B4GALT6: variants seen among roughly 807,000 people sequenced by gnomAD.
B4GALT6 encodes the protein UDP-Gal:beta-GlcNAc beta-1,4-galactosyltransferase 6.
B4GALT6 carries 14 observed loss-of-function variants against 46.3 expected under a neutral mutation model. That is an observed-to-expected ratio of 0.30 (90% CI 0.20 to 0.47). The LOEUF (loss-of-function observed/expected upper bound fraction) is 0.47, where lower values mean the gene tolerates loss of function less well. B4GALT6 is among the 20% of genes least tolerant of loss of function. The pLI, the probability that B4GALT6 is intolerant of heterozygous loss-of-function variation, is 0.99. For missense variants in B4GALT6, 386 were observed against 480.1 expected (o/e 0.80, Z 1.83); for synonymous variants, 168 against 162.0 (o/e 1.04, Z -0.28).
intron 2 of B4GALT6, chr18:31,658,314 T>C: frequency 2.7e-6 from 1 of 370,970 alleles, no homozygotes; most frequent in Non-Finnish European, 4.9e-6. Flanking sequence ...ACCCTTATCC[T>C]TGCACACAGA....
At chr18:31,709,830 C>T in the B4GALT6 span, among the ~76,000 whole-genome samples, 7 of 152,052 alleles carry the variant, frequency 4.6e-5, no homozygotes, top group South Asian at 8.3e-4. Flanking sequence ...TGGTGGCTCA[C>T]GCCTGGAATC....
intron 1 of B4GALT6, among the ~76,000 whole-genome samples, chr18:31,674,173 C>A (rs528835264): frequency 6.6e-6 from 1 of 152,190 alleles, no homozygotes; most frequent in East Asian, 1.9e-4. Context: ...TACCACCCCA[C>A]GACAGGTACA....
intron 1 of B4GALT6, among the ~76,000 whole-genome samples, chr18:31,677,768 G>T (rs1465510968): frequency 6.6e-6 from 1 of 152,226 alleles, no homozygotes; most frequent in East Asian, 1.9e-4. Flanking sequence ...GAGAAAAGAG[G>T]AAGGGAAAGA....
At chr18:31,702,603 G>A in the B4GALT6 span, among the ~76,000 whole-genome samples, 3 of 152,148 alleles carry the variant, frequency 2.0e-5, no homozygotes, top group African/African-American at 4.8e-5. Context: ...CTGTTTATAA[G>A]TTCTGGGTGG....
At chr18:31,629,806 C>T (rs1598865380) in intron 6 of B4GALT6, among the ~76,000 whole-genome samples, 1 of 144,570 alleles carries the variant, frequency 6.9e-6, no homozygotes, top group African/African-American at 2.6e-5. Context: ...GCCGAGATCG[C>T]ACCACTGCAC....
rs183304335 is a variant in B4GALT6, at chr18:31,622,572, G to T, written c.*3042C>A. On this transcript the variant is annotated 3_prime_UTR_variant, in exon 9 of 9. Coordinates refer to ENST00000306851, the MANE Select transcript of B4GALT6 (RefSeq NM_004775.5). Reference sequence around the variant, plus strand: ...AAAATGACAAAATCTGCTTTCACTTGTAGGAAGCCTCCAGAAAGAGAATAT... The same window carrying T: ...AAAATGACAAAATCTGCTTTCACTTTTAGGAAGCCTCCAGAAAGAGAATAT... The T allele has an allele frequency of 2.6e-5, 4 of 151,996 alleles. No individual in the cohort carries two copies. The highest frequency in any genetic ancestry group is 4.4e-5 in the Non-Finnish European group (3 of 67,874). 9.4% of individuals were successfully genotyped at this position (151,996 alleles called of 1,614,324 possible).
the B4GALT6 span, among the ~76,000 whole-genome samples, chr18:31,720,832 G>C: frequency 1.3e-5 from 2 of 152,208 alleles, no homozygotes; most frequent in Non-Finnish European, 2.9e-5. Flanking sequence ...AAGCTTATTT[G>C]GGTGTGCACA....
At chr18:31,626,965 A>G (rs2073707389) in intron 7 of B4GALT6, 34 bp downstream of exon 7, 1 of 1,569,550 alleles carries the variant, frequency 6.4e-7, no homozygotes, top group African/African-American at 1.4e-5. Context: ...ATTTATAAAA[A>G]TTCTATTAGT....
intron 6 of B4GALT6, among the ~76,000 whole-genome samples, chr18:31,628,668 G>A (rs936304616): frequency 6.6e-6 from 1 of 152,160 alleles, no homozygotes; most frequent in Non-Finnish European, 1.5e-5. Flanking sequence ...GGCCATCACT[G>A]TGGGGCAGGG....
At chr18:31,698,601 A>G in the B4GALT6 span, among the ~76,000 whole-genome samples, 2 of 152,066 alleles carry the variant, frequency 1.3e-5, no homozygotes, top group Non-Finnish European at 2.9e-5. Context: ...ACTGCACTCC[A>G]GCCTGGGCAA....
the B4GALT6 span, among the ~76,000 whole-genome samples, chr18:31,699,079 CA>C: frequency 0.16 from 13,557 of 82,166 alleles, 688 homozygotes; most frequent in Middle Eastern, 0.29. Flanking sequence ...GACTCTGTCT[CA>C]AAAAAAAAAA....
chr18:31,664,475 G>T (rs1012615723), intron 2 of B4GALT6, among the ~76,000 whole-genome samples: 2 of 151,670 alleles, frequency 1.3e-5, no homozygotes, highest in Admixed American at 6.6e-5. Context: ...AGTATGCATT[G>T]GTTCTTTGGT....
At chr18:31,653,868 G>A (rs1029742315) in intron 3 of B4GALT6, among the ~76,000 whole-genome samples, 1 of 151,952 alleles carries the variant, frequency 6.6e-6, no homozygotes, top group Admixed American at 6.5e-5. Context: ...AGGGACCGCT[G>A]CACAGCGGCT....
intron 1 of B4GALT6, 44 bp from the exon 2 acceptor site, chr18:31,666,416 T>C (rs2074283349): frequency 2.3e-6 from 2 of 875,098 alleles, no homozygotes; most frequent in East Asian, 2.7e-5. Flanking sequence ...CACAGTAAGC[T>C]TTTTTTTATT....
At chr18:31,674,474 C>A (rs1456093886) in intron 1 of B4GALT6, among the ~76,000 whole-genome samples, 1 of 152,176 alleles carries the variant, frequency 6.6e-6, no homozygotes, top group African/African-American at 2.4e-5. Flanking sequence ...AATGATTTCC[C>A]ATATTATCTA....
At chr18:31,626,253 C>A in intron 8 of B4GALT6, 30 bp downstream of exon 8, 1 of 1,294,956 alleles carries the variant, frequency 7.7e-7, no homozygotes, top group Admixed American at 2.0e-5. Flanking sequence ...CTTTGGAAAC[C>A]TTGGTATCTG....
chr18:31,705,293 C>A, the B4GALT6 span, among the ~76,000 whole-genome samples: 3 of 152,266 alleles, frequency 2.0e-5, no homozygotes, highest in Admixed American at 6.5e-5. Context: ...AAGGAGAGTA[C>A]CACATGTGCT....
At chr18:31,626,094 C>G (rs371815553) in intron 8 of B4GALT6, among the ~76,000 whole-genome samples, 189 bp downstream of exon 8, 1 of 152,226 alleles carries the variant, frequency 6.6e-6, no homozygotes, top group East Asian at 1.9e-4. Flanking sequence ...TGTATATATA[C>G]GTATATCTCT....
upstream of B4GALT6, chr18:31,684,648 C>A (rs549161581): frequency 5.4e-6 from 5 of 932,580 alleles, no homozygotes; most frequent in African/African-American, 1.1e-4. Flanking sequence ...GCGCGGAGGC[C>A]GAGGGACAAG....
Sources: gnomAD v4.1 joint callset for allele counts (sites outside exome capture counted in the v4.1 genomes callset) on GRCh38, gnomAD v4.1.1 for gene constraint, MANE v1.5 for transcripts, NCBI Gene and HGNC (gene_info 2026-07-23, HGNC 2026-07-21) for gene names.